TRIP12: variants seen among roughly 807,000 people sequenced by gnomAD.
TRIP12 encodes the protein thyroid hormone receptor interactor 12.
Under a neutral mutation model 244.2 loss-of-function variants are expected in TRIP12, and 25 were observed. The observed-to-expected ratio is 0.10, with a 90% CI of 0.07 to 0.14. The LOEUF (loss-of-function observed/expected upper bound fraction) is 0.14. Among genes scored for constraint, TRIP12 ranks in the 10% least tolerant of loss-of-function variants. The pLI is 1.00. For missense variants in TRIP12, 1,677 were observed against 2,486.4 expected (o/e 0.67, Z 6.92); for synonymous variants, 905 against 873.1 (o/e 1.04, Z -0.64).
chr2:229,826,919 A>T (rs1050509532), intron 8 of TRIP12, among the ~76,000 whole-genome samples: 1 of 152,120 alleles, frequency 6.6e-6, no homozygotes, highest in East Asian at 1.9e-4. Flanking sequence ...AGCCTAGACT[A>T]TATATTACTA....
At chr2:229,808,884 C>T (rs538031796) in intron 15 of TRIP12, among the ~76,000 whole-genome samples, 12 of 152,310 alleles carry the variant, frequency 7.9e-5, no homozygotes, top group African/African-American at 2.9e-4. Context: ...GGCAGGCATT[C>T]TCTACTGTAA....
chr2:229,836,037 G>A (rs928735116), intron 6 of TRIP12, among the ~76,000 whole-genome samples: 3 of 152,114 alleles, frequency 2.0e-5, no homozygotes, highest in South Asian at 2.1e-4. Flanking sequence ...CATCAATAGC[G>A]GGTAAACCAC....
At chr2:229,876,024 A>G (rs1033700186) in intron 2 of TRIP12, among the ~76,000 whole-genome samples, 3 of 152,218 alleles carry the variant, frequency 2.0e-5, no homozygotes, top group African/African-American at 7.2e-5. Flanking sequence ...CTGTAATCCC[A>G]GCACTTTGGG....
rs1358143793 is a variant in TRIP12 at position 229,799,304 on chromosome 2, C to G, written c.3286G>C (p.Asp1096His). Reference sequence around the variant, plus strand: ...TTACCTTGATTGTCTACTTTGTCATCATCTCTTGGAGGTGAGTACTTTGGC... The same window carrying G: ...TTACCTTGATTGTCTACTTTGTCATGATCTCTTGGAGGTGAGTACTTTGGC... ...RRPKYSPPRD[D>H]DKVDNQAKSP... Residue 1096 changes from aspartate (D) to histidine (H), a missense_variant, in exon 22 of 42, where the codon GAT (aspartate) becomes CAT (histidine). Coordinates refer to ENST00000675903, the MANE Select transcript of TRIP12 (RefSeq NM_001348323.3). 1 of 1,614,168 alleles carries G rather than the reference C, an allele frequency of 6.2e-7. No individual in the cohort carries two copies. Among genetic ancestry groups the G allele is most frequent in the South Asian group, 1.1e-5 (1 of 91,086 alleles).
chr2:229,792,876 A>AAACAACATT (rs2041900501), intron 27 of TRIP12, 97 bp downstream of exon 27: 19 of 1,287,640 alleles, frequency 1.5e-5, no homozygotes, highest in Admixed American at 2.6e-5. Flanking sequence ...TTTTTAACAG[A>AAACAACATT]AACAACATTA....
Position 229,778,199 on chromosome 2 carries a change from G to A in TRIP12, c.5364+234C>T, listed in dbSNP as rs890916920. 2.6e-5 allele frequency among the ~76,000 whole-genome samples: 4 copies of A among 152,076 alleles called. No homozygotes were observed. The highest frequency in any genetic ancestry group is 6.5e-5 in the Admixed American group (1 of 15,278). ...AGGAGGGGTCCACAACCTGGCAATC[G>A]GGCATGCCCTGGGAGCTGACAGGAA... is the stretch of plus-strand genomic sequence containing the variant. On this transcript the variant is annotated intron_variant, in intron 36 of 41. Coordinates refer to ENST00000675903, the MANE Select transcript of TRIP12 (RefSeq NM_001348323.3). This position sits in a 1 kb window ranked among gnomAD's most constrained non-coding sequence, Gnocchi z 4.1.
At chr2:229,861,066 C>T (rs2060402969) in intron 2 of TRIP12, among the ~76,000 whole-genome samples, 1 of 152,120 alleles carries the variant, frequency 6.6e-6, no homozygotes, top group South Asian at 2.1e-4. Context: ...TCATTTCAAG[C>T]ACTAAACAAT....
intron 8 of TRIP12, among the ~76,000 whole-genome samples, chr2:229,820,916 T>G (rs2049880014): frequency 6.6e-6 from 1 of 152,168 alleles, no homozygotes; most frequent in Non-Finnish European, 1.5e-5. Context: ...AATCTGAATT[T>G]GGTTGCTAAT....
At chr2:229,908,898 C>A (rs2073621794) in intron 1 of TRIP12, among the ~76,000 whole-genome samples, 1 of 151,756 alleles carries the variant, frequency 6.6e-6, no homozygotes, top group Non-Finnish European at 1.5e-5. Context: ...TCAAGACCAA[C>A]CTGGGCAATA....
intron 9 of TRIP12, among the ~76,000 whole-genome samples, chr2:229,817,992 C>T (rs2048930555): frequency 6.6e-6 from 1 of 152,020 alleles, no homozygotes. Flanking sequence ...ACCTTTCTGG[C>T]CCCCCGACAC....
intron 2 of TRIP12, among the ~76,000 whole-genome samples, chr2:229,871,586 C>A (rs1362533377): frequency 6.6e-6 from 1 of 152,188 alleles, no homozygotes; most frequent in Non-Finnish European, 1.5e-5. Flanking sequence ...TGATTTTAAG[C>A]TCCCTGAGGC....
At chr2:229,864,047 A>AGAGAGAGAGAGAGAGAGAGT in intron 2 of TRIP12, among the ~76,000 whole-genome samples, 13 of 79,316 alleles carry the variant, frequency 1.6e-4, no homozygotes, top group South Asian at 5.1e-4. Flanking sequence ...AGAGAGAGAG[A>AGAGAGAGAGAGAGAGAGAGT]GTGTGTGTGT....
chr2:229,846,874 T>C (rs939060916), intron 4 of TRIP12, among the ~76,000 whole-genome samples: 2 of 152,218 alleles, frequency 1.3e-5, no homozygotes, highest in African/African-American at 4.8e-5. Context: ...ATATTGGAAA[T>C]GTCCAAAGGT....
intron 39 of TRIP12, among the ~76,000 whole-genome samples, chr2:229,769,970 G>C (rs998295148): frequency 1.3e-5 from 2 of 152,116 alleles, no homozygotes; most frequent in African/African-American, 4.8e-5. Context: ...AATGCTCACT[G>C]TCTGGTCCTA....
At chr2:229,784,548 A>C (rs2039399983) in intron 34 of TRIP12, among the ~76,000 whole-genome samples, 1 of 151,744 alleles carries the variant, frequency 6.6e-6, no homozygotes, top group Non-Finnish European at 1.5e-5. Context: ...TTTCATCAAA[A>C]CTGAAAATTT....
chr2:229,799,159 G>C, intron 22 of TRIP12, 110 bp from the exon 23 acceptor site: 1 of 1,526,858 alleles, frequency 6.5e-7, no homozygotes, highest in Non-Finnish European at 9.0e-7. Context: ...AAAGAACTAA[G>C]AACACTTAGT....
intron 1 of TRIP12, among the ~76,000 whole-genome samples, chr2:229,913,939 C>G (rs1229311183): frequency 6.6e-6 from 1 of 152,116 alleles, no homozygotes; most frequent in African/African-American, 2.4e-5. Context: ...TTAAAGGAGT[C>G]ACTGGAAGAA....
chr2:229,837,830 C>T (rs1312142287), intron 5 of TRIP12, among the ~76,000 whole-genome samples: 5 of 152,096 alleles, frequency 3.3e-5, no homozygotes, highest in Admixed American at 6.5e-5. Context: ...AGATATTCAT[C>T]TAGGACAGAG....
At chr2:229,895,274 G>T (rs1380054043) in intron 1 of TRIP12, among the ~76,000 whole-genome samples, 4 of 152,102 alleles carry the variant, frequency 2.6e-5, no homozygotes, top group Non-Finnish European at 5.9e-5. Flanking sequence ...CAGCAAAGTG[G>T]AAGACAGAAG....
Sources: allele counts gnomAD v4.1 joint callset (sites outside exome capture counted in the v4.1 genomes callset), GRCh38; gene constraint gnomAD v4.1.1; non-coding constraint Gnocchi (gnomAD v3.1); transcripts MANE v1.5; gene names NCBI Gene and HGNC (gene_info 2026-07-23, HGNC 2026-07-21).